AKR1C3: variants seen among roughly 807,000 people sequenced by gnomAD.
AKR1C3 encodes 3-alpha hydroxysteroid dehydrogenase, type II.
A neutral mutation model predicts 43.6 loss-of-function variants in AKR1C3; 48 were observed. The ratio of observed to expected loss-of-function variants is 1.10; its 90% CI spans 0.87 to 1.40. The LOEUF (loss-of-function observed/expected upper bound fraction) is 1.40. Among genes scored for constraint, AKR1C3 ranks in the 40% most tolerant of loss-of-function variants. AKR1C3 has a pLI of 0.00. For synonymous variants in AKR1C3, 162 were observed against 139.6 expected, an observed-to-expected ratio of 1.16 and a Z score of -1.13; for missense variants, 482 against 391.2, an observed-to-expected ratio of 1.23 and a Z score of -1.96.
At chr10:5,060,272 G>C (rs1838354106) in intron 1 of AKR1C3, among the ~76,000 whole-genome samples, 1 of 152,178 alleles carries the variant, frequency 6.6e-6, no homozygotes, top group African/African-American at 2.4e-5. Context: ...GGCTTGGCCA[G>C]CCTGCTTTTA....
chr10:5,107,524 G>A lies in AKR1C3; in HGVS notation c.*21G>A, dbSNP rs1554787548. On this transcript the variant is annotated 3_prime_UTR_variant, in exon 9 of 9. Transcript: ENST00000380554. Reference sequence around the variant, plus strand: ...ATTAACATGGAGGGCTTTGCCTGATGTCTACCAGAAGCCCTGTGTGTGGAT... The same window carrying A: ...ATTAACATGGAGGGCTTTGCCTGATATCTACCAGAAGCCCTGTGTGTGGAT... 2 of 1,571,382 alleles carry A rather than the reference G, an allele frequency of 1.3e-6. No homozygotes were observed. Among genetic ancestry groups the A allele is most frequent in the Non-Finnish European group, 1.8e-6 (2 of 1,142,700 alleles).
chr10:5,067,404 A>G (rs1554780890), intron 1 of AKR1C3, among the ~76,000 whole-genome samples: 1 of 152,170 alleles, frequency 6.6e-6, no homozygotes, highest in Non-Finnish European at 1.5e-5. Context: ...TACAATTCCA[A>G]GAGTGTGGAG....
At chr10:5,087,252 G>T (rs1353422151) in intron 1 of AKR1C3, among the ~76,000 whole-genome samples, 1 of 152,076 alleles carries the variant, frequency 6.6e-6, no homozygotes, top group East Asian at 1.9e-4. Context: ...AGCTCCTTTA[G>T]GGCAGGCCTG....
intron 1 of AKR1C3, among the ~76,000 whole-genome samples, chr10:5,049,100 G>C (rs1436221456): frequency 3.2e-5 from 4 of 126,904 alleles, no homozygotes; most frequent in South Asian, 2.7e-4. Flanking sequence ...GTCATCTACT[G>C]TTTATTTGGG....
chr10:5,102,035 C>G (rs1355417784), intron 5 of AKR1C3, 66 bp from the exon 6 acceptor site: 3 of 1,042,296 alleles, frequency 2.9e-6, no homozygotes, highest in African/African-American at 3.2e-5. Flanking sequence ...TCCTTACTTT[C>G]ATCTTTTCAA....
chr10:5,086,009 A>G (rs2131823925), intron 1 of AKR1C3, among the ~76,000 whole-genome samples: 1 of 151,660 alleles, frequency 6.6e-6, no homozygotes, highest in Non-Finnish European at 1.5e-5. Flanking sequence ...AATTTTGTTG[A>G]TCTTTTCAAA....
Position 5,063,211 on chromosome 10 carries a change from T to C in AKR1C3, c.84+14316T>C, listed in dbSNP as rs1289988639. ...ATTCTAAGTTAATATGTACACAATG[T>C]AGAAAGCTGTAATTAGTAACAAAAC... On this transcript the variant is annotated intron_variant, in intron 1 of 8. Coordinates refer to the AKR1C3 transcript ENST00000439082. Among the ~76,000 whole-genome samples the C allele has an allele frequency of 2.0e-5, 3 of 152,208 alleles. No homozygotes were observed. The East Asian group carries it at 5.8e-4, about 29-fold the overall frequency.
chr10:5,105,367 CTCTT>C (rs1839473771), intron 7 of AKR1C3: 2 of 345,224 alleles, frequency 5.8e-6, no homozygotes, highest in African/African-American at 4.2e-5. Context: ...TTGAAATTTT[CTCTT>C]TGTCTGCAGA....
intron 1 of AKR1C3, among the ~76,000 whole-genome samples, chr10:5,049,956 C>G (rs1333146155): frequency 1.3e-5 from 2 of 152,228 alleles, no homozygotes; most frequent in African/African-American, 4.8e-5. Context: ...CAAATCTGCA[C>G]CTTCCATGTA....
rs1839294243 is a variant in AKR1C3, at chr10:5,099,419, A to T, written c.540A>T (p.Pro180=). The T allele has an allele frequency of 6.2e-7, 1 of 1,614,230 alleles. No homozygotes were observed. The highest frequency in any genetic ancestry group is 1.1e-5 in the South Asian group (1 of 91,088). The change falls in exon 5 of 9, where the codon CCA becomes CCT. Residue 180 remains proline, a synonymous_variant. Coordinates refer to ENST00000380554, the MANE Select transcript of AKR1C3 (RefSeq NM_003739.6). ...AGCTGGAGATGATCCTCAACAAGCC[A>T]GGACTCAAGTACAAGCCTGTCTGCA... ...RRQLEMILNK[P]GLKYKPVCNQ...
upstream of AKR1C3, among the ~76,000 whole-genome samples, chr10:5,090,991 A>G (rs1276716747): frequency 6.6e-6 from 1 of 152,158 alleles, no homozygotes; most frequent in African/African-American, 2.4e-5. Flanking sequence ...TTTTGATAGC[A>G]TGATGGAGGC....
At chr10:5,106,913 TA>T (rs59241906) in intron 8 of AKR1C3, among the ~76,000 whole-genome samples, 30,406 of 54,832 alleles carry the variant, frequency 0.55, 3,932 homozygotes, top group East Asian at 0.72. Context: ...TCAAGGAAAA[TA>T]AATAAAAAAA....
chr10:5,083,110 T>A (rs927783354), intron 1 of AKR1C3, among the ~76,000 whole-genome samples: 12 of 152,098 alleles, frequency 7.9e-5, no homozygotes, highest in Admixed American at 3.3e-4. Flanking sequence ...AGTTTTAGGG[T>A]ACATGTGCAC....
intron 1 of AKR1C3, among the ~76,000 whole-genome samples, chr10:5,050,584 C>G (rs1230200525): frequency 6.6e-6 from 1 of 152,040 alleles, no homozygotes; most frequent in Non-Finnish European, 1.5e-5. Context: ...AACTCAAAAA[C>G]TGGTAGATAC....
intron 1 of AKR1C3, among the ~76,000 whole-genome samples, chr10:5,058,871 C>T (rs191716064): frequency 3.4e-4 from 51 of 152,192 alleles, no homozygotes; most frequent in Admixed American, 1.5e-3. Flanking sequence ...TGGCCCTTAC[C>T]GACACATTCT....
At chr10:5,064,097 T>C (rs1838443687) in intron 1 of AKR1C3, among the ~76,000 whole-genome samples, 1 of 152,216 alleles carries the variant, frequency 6.6e-6, no homozygotes, top group Non-Finnish European at 1.5e-5. Flanking sequence ...ATCGTGAGAT[T>C]GCAACCATTC....
intron 5 of AKR1C3, chr10:5,099,701 G>A (rs1938732787): frequency 5.5e-6 from 3 of 548,336 alleles, no homozygotes; most frequent in Non-Finnish European, 9.1e-6. Context: ...GATCAGGGAG[G>A]CCTGGAATCA....
intron 1 of AKR1C3, among the ~76,000 whole-genome samples, chr10:5,050,325 C>G (rs577299317): frequency 6.6e-6 from 1 of 152,282 alleles, no homozygotes; most frequent in East Asian, 1.9e-4. Context: ...GATCTCAATT[C>G]TGAGAATAAT....
chr10:5,066,568 C>T lies in AKR1C3; in HGVS notation c.84+17673C>T, dbSNP rs118015663. On this transcript the variant is annotated intron_variant, in intron 1 of 8. Transcript: ENST00000439082. ...CCTTTGAGAGAATATAGCGCAGCAA[C>T]GAGACTATTATTATGACTATTGGGA... Among the ~76,000 whole-genome samples the T allele has an allele frequency of 2.6e-3, 401 of 152,222 alleles. 2 individuals carry two copies. Among genetic ancestry groups the T allele is most frequent in the Middle Eastern group, 0.017 (5 of 292 alleles).
Sources: gnomAD v4.1 joint callset for allele counts (sites outside exome capture counted in the v4.1 genomes callset) on GRCh38, gnomAD v4.1.1 for gene constraint, MANE v1.5 for transcripts, NCBI Gene and HGNC (gene_info 2026-07-23, HGNC 2026-07-21) for gene names.